KCNT1: variants seen among roughly 807,000 people sequenced by gnomAD.
The protein encoded by KCNT1 is potassium channel subfamily T member 1.
Under a neutral mutation model 147.8 loss-of-function variants are expected in KCNT1, and 78 were observed. The observed-to-expected ratio is 0.53, with a 90% CI of 0.44 to 0.64. The LOEUF (loss-of-function observed/expected upper bound fraction) is 0.64, where lower values mean the gene tolerates loss of function less well. KCNT1 is among the 30% of genes least tolerant of loss of function. KCNT1 has a pLI of 0.00. For missense variants in KCNT1, 1,419 were observed against 1,750.3 expected (o/e 0.81, Z 3.38); for synonymous variants, 867 against 748.8 (o/e 1.16, Z -2.58).
chr9:135,732,756 C>CTCTT (rs1830159027), intron 2 of KCNT1, among the ~76,000 whole-genome samples: 3 of 66,914 alleles, frequency 4.5e-5, no homozygotes, highest in South Asian at 8.4e-4. Context: ...ACCTATCTCT[C>CTCTT]TCTCTCTCTC....
intron 13 of KCNT1, among the ~76,000 whole-genome samples, chr9:135,768,245 GGGGGGGGGGGGGCACTGGGATACCGGT>G (rs1323306709): frequency 0.037 from 1,489 of 40,100 alleles, 200 homozygotes; most frequent in Non-Finnish European, 0.082. Context: ...GCCTGCGGGG[GGGGGGGGGGGGGCACTGGGATACCGGT>G]GGGGGGGGCA....
chr9:135,750,324 A>C, intron 3 of KCNT1, 147 bp downstream of exon 3: 15 of 467,914 alleles, frequency 3.2e-5, no homozygotes, highest in Non-Finnish European at 5.0e-5. Flanking sequence ...GGCATTTGGA[A>C]GCAGGGTGGG....
In KCNT1 at chr9:135,759,721, G is replaced by A. The variant is rs1197592007; in HGVS notation, c.897G>A (p.Leu299=). ...ACCTGGAGCGGGCGGGCGAGAACCT[G>A]TCCCTCCTGACCTCCTTCTACTTCT... is the stretch of plus-strand genomic sequence containing the variant. The part of the protein sequence containing the change: ...IQHLERAGEN[L]SLLTSFYFCI... Residue 299 remains leucine, a synonymous_variant, in exon 11 of 31, where the codon CTG becomes CTA. Coordinates refer to ENST00000371757, the MANE Select transcript of KCNT1 (RefSeq NM_020822.3). The A allele has an allele frequency of 1.9e-6, 3 of 1,613,214 alleles. No homozygotes were observed. The highest frequency in any genetic ancestry group is 1.1e-5 in the South Asian group (1 of 91,038).
In KCNT1 at chr9:135,793,829, AG is replaced by A. The variant is rs1222152281; in HGVS notation, c.*1670del. The A allele has an allele frequency of 2.0e-5, 3 of 152,566 alleles. No homozygotes were observed. The highest frequency in any genetic ancestry group is 4.4e-5 in the Non-Finnish European group (3 of 68,304). The allele number at this position is 152,566 out of a possible 1,614,324, so 9.5% of individuals were successfully genotyped here. On this transcript the variant is annotated 3_prime_UTR_variant, in exon 31 of 31. Transcript: ENST00000371757. ...TTCAGGGGACCAGAAAGTAAGTCCC[AG>A]GACCTTGATGGAGCGGCAGGGATTG...
intron 4 of KCNT1, among the ~76,000 whole-genome samples, chr9:135,753,464 G>A (rs140726899): frequency 0.011 from 1,666 of 152,282 alleles, 15 homozygotes; most frequent in Admixed American, 0.015. Context: ...CTTGGAGTCA[G>A]CACCTGGGGA....
chr9:135,769,438 C>G (rs1832591394), intron 15 of KCNT1, among the ~76,000 whole-genome samples: 1 of 152,170 alleles, frequency 6.6e-6, no homozygotes, highest in Admixed American at 6.5e-5. Flanking sequence ...GAGGGGACGG[C>G]AGACCCCCAT....
chr9:135,786,316 C>G lies in KCNT1; in HGVS notation c.3297C>G (p.Pro1099=), dbSNP rs759060691. ...GCCGCCACACGGGCGGCGGTGACCCCGCAGAGCACCCACTGCTACGGCGCA... is the reference window on the plus strand; with the variant it reads ...GCCGCCACACGGGCGGCGGTGACCCGGCAGAGCACCCACTGCTACGGCGCA... The part of the protein sequence containing the change: ...SQGRHTGGGD[P]AEHPLLRRKS... The change falls in exon 29 of 31, where the codon CCC becomes CCG. Residue 1099 remains proline, a synonymous_variant. Transcript: ENST00000371757. The G allele has an allele frequency of 1.2e-6, 2 of 1,600,078 alleles. No homozygotes were observed. Among genetic ancestry groups the G allele is most frequent in the Admixed American group, 3.5e-5 (2 of 57,932 alleles).
At chr9:135,735,411 C>T (rs148961684) in intron 2 of KCNT1, among the ~76,000 whole-genome samples, 44 of 152,330 alleles carry the variant, frequency 2.9e-4, no homozygotes, top group African/African-American at 1.0e-3. Context: ...GAAATGGAAG[C>T]CTGTGCTGCC....
chr9:135,785,206 G>A (rs1191304579), intron 27 of KCNT1, 104 bp from the exon 28 acceptor site: 38 of 1,522,134 alleles, frequency 2.5e-5, no homozygotes, highest in Non-Finnish European at 3.1e-5. Flanking sequence ...AGCAGGCACC[G>A]TGCCCACCAG....
Position 135,714,750 on chromosome 9 carries a change from G to A in KCNT1, c.254+30G>A. Reference sequence around the variant, plus strand: ...GGACCGGGCGCGGGGTGGGGGCTGGGGTCGCCGTCCCGGCGCCGCCGCACG... The same window carrying A: ...GGACCGGGCGCGGGGTGGGGGCTGGAGTCGCCGTCCCGGCGCCGCCGCACG... On this transcript the variant is annotated intron_variant, in intron 2 of 30. Transcript: ENST00000371757. This position sits in a 1 kb window ranked among gnomAD's most constrained non-coding sequence, Gnocchi z 6.2. 1 of 1,245,944 alleles carries A rather than the reference G, an allele frequency of 8.0e-7. No homozygotes were observed. The highest frequency in any genetic ancestry group is 2.2e-5 in the South Asian group (1 of 46,342). 77.2% of individuals were successfully genotyped at this position (1,245,944 alleles called of 1,614,324 possible).
chr9:135,773,825 C>T (rs1564375323), intron 19 of KCNT1, among the ~76,000 whole-genome samples: 1 of 152,172 alleles, frequency 6.6e-6, no homozygotes, highest in Non-Finnish European at 1.5e-5. Context: ...CTGCTGGGGA[C>T]AACAGCCTGG....
intron 1 of KCNT1, among the ~76,000 whole-genome samples, chr9:135,706,666 C>G (rs1835270015): frequency 6.6e-6 from 1 of 152,210 alleles, no homozygotes; most frequent in Admixed American, 6.5e-5. Flanking sequence ...CCTCCAGGGG[C>G]CAGAAGTGGG....
At chr9:135,753,866 C>T in intron 4 of KCNT1, 71 bp from the exon 5 acceptor site, 1 of 1,547,562 alleles carries the variant, frequency 6.5e-7, no homozygotes, top group Non-Finnish European at 8.9e-7. Context: ...CCTGTGGAAG[C>T]CCTCGGGCAG....
chr9:135,733,301 C>T (rs35508933), intron 2 of KCNT1, among the ~76,000 whole-genome samples: 6,731 of 92,602 alleles, frequency 0.073, 467 homozygotes, highest in South Asian at 0.095. Flanking sequence ...TGCCCCTGCA[C>T]CTCCCCCCAC....
chr9:135,782,836 G>A (rs1043705993), intron 24 of KCNT1, among the ~76,000 whole-genome samples: 82 of 152,334 alleles, frequency 5.4e-4, no homozygotes, highest in African/African-American at 1.8e-3. Context: ...CACGCCCATC[G>A]CAGCTCATCG....
chr9:135,761,874 C>T (rs894469507), intron 11 of KCNT1, among the ~76,000 whole-genome samples: 1 of 152,224 alleles, frequency 6.6e-6, no homozygotes, highest in Non-Finnish European at 1.5e-5. Context: ...CACCTTCGGG[C>T]TGCGTCCGGC....
chr9:135,792,237 G>C lies in KCNT1; in HGVS notation c.*76G>C. 6.6e-7 allele frequency: 1 copy of C among 1,516,364 alleles called. No individual in the cohort carries two copies. Among genetic ancestry groups the C allele is most frequent in the Non-Finnish European group, 8.9e-7 (1 of 1,126,690 alleles). 93.9% of individuals were successfully genotyped at this position (1,516,364 alleles called of 1,614,324 possible). On this transcript the variant is annotated 3_prime_UTR_variant, in exon 31 of 31. Transcript: ENST00000371757. ...ACGTGGAGGAGCGTGTGAGGACACGGTGGCACTAGCGTGACCCTGGGGATG... is the reference window on the plus strand; with the variant it reads ...ACGTGGAGGAGCGTGTGAGGACACGCTGGCACTAGCGTGACCCTGGGGATG...
chr9:135,771,024 G>T lies in KCNT1; in HGVS notation c.1937G>T (p.Arg646Met). Reference sequence around the variant, plus strand: ...AAGCAGGAGGAGAAGCGGAAGAAGAGGGCCTTCTCGGGGCAGGGGCTGCAC... The same window carrying T: ...AAGCAGGAGGAGAAGCGGAAGAAGATGGCCTTCTCGGGGCAGGGGCTGCAC... ...IFKQEEKRKKRAFSGQGLHEG... is the reference protein window; with the variant it reads ...IFKQEEKRKKMAFSGQGLHEG... The change falls in exon 18 of 31, where the codon AGG (arginine) becomes ATG (methionine). Residue 646 changes from arginine (R) to methionine (M), a missense_variant. Around this residue, in one of 5 missense-constraint regions of KCNT1, gnomAD observed 284 missense variants for 292.8 expected, o/e 0.97. Coordinates refer to ENST00000371757, the MANE Select transcript of KCNT1 (RefSeq NM_020822.3). 1 of 1,613,446 alleles carries T rather than the reference G, an allele frequency of 6.2e-7. No individual in the cohort carries two copies. Among genetic ancestry groups the T allele is most frequent in the African/African-American group, 1.3e-5 (1 of 75,052 alleles).
At chr9:135,772,976 C>T (rs1412572376) in intron 19 of KCNT1, 27 bp downstream of exon 19, 8 of 1,413,838 alleles carry the variant, frequency 5.7e-6, no homozygotes, top group African/African-American at 1.5e-5. Flanking sequence ...AGACGGCTCC[C>T]AGTGGGGGGA....
Sources: allele counts gnomAD v4.1 joint callset (sites outside exome capture counted in the v4.1 genomes callset), GRCh38; gene constraint gnomAD v4.1.1; regional missense constraint gnomAD v4.1.1; non-coding constraint Gnocchi (gnomAD v3.1); transcripts MANE v1.5; gene names NCBI Gene and HGNC (gene_info 2026-07-23, HGNC 2026-07-21).